The following MEGF9 variants were observed in gnomAD, a reference collection of about 807,000 sequenced individuals.
MEGF9 encodes the protein multiple epidermal growth factor-like domains protein 9.
Under a neutral mutation model 46.8 loss-of-function variants are expected in MEGF9, and 6 were observed. The ratio of observed to expected loss-of-function variants is 0.13; its 90% confidence interval spans 0.07 to 0.25. The LOEUF (loss-of-function observed/expected upper bound fraction) is 0.25, where lower values mean the gene tolerates loss of function less well. Among genes scored for constraint, MEGF9 ranks in the 10% least tolerant of loss-of-function variants. MEGF9 has a pLI of 1.00. For missense variants in MEGF9, 683 were observed against 792.4 expected (o/e 0.86, Z 1.66); for synonymous variants, 302 against 330.7 (o/e 0.91, Z 0.94).
At chr9:120,607,095 G>A (rs933951755) in intron 5 of MEGF9, among the ~76,000 whole-genome samples, 3 of 152,114 alleles carry the variant, frequency 2.0e-5, no homozygotes, top group Admixed American at 6.5e-5. Flanking sequence ...CTCGTGTTCA[G>A]CATGTTAAGA....
chr9:120,696,458 TG>T (rs1404635035), intron 1 of MEGF9, among the ~76,000 whole-genome samples: 2 of 152,016 alleles, frequency 1.3e-5, no homozygotes, highest in Admixed American at 1.3e-4. Flanking sequence ...CTTGGTAGAG[TG>T]GGGATAATAA....
intron 1 of MEGF9, among the ~76,000 whole-genome samples, chr9:120,694,773 A>T (rs541913036): frequency 2.9e-3 from 440 of 152,256 alleles, no homozygotes; most frequent in Non-Finnish European, 5.1e-3. Flanking sequence ...AAAAATTTCA[A>T]ATTGCCCTTT....
intron 4 of MEGF9, among the ~76,000 whole-genome samples, chr9:120,612,115 G>T (rs2043450199): frequency 6.6e-6 from 1 of 152,078 alleles, no homozygotes; most frequent in Non-Finnish European, 1.5e-5. Flanking sequence ...TATCTAGGAG[G>T]AACTAATTAG....
intron 2 of MEGF9, among the ~76,000 whole-genome samples, chr9:120,643,528 AGG>A (rs201363136): frequency 0.024 from 3,590 of 152,282 alleles, 149 homozygotes; most frequent in African/African-American, 0.083. Flanking sequence ...AATTACCATA[AGG>A]ACCAACTTTG....
At chr9:120,683,078 T>G (rs1288188946) in intron 1 of MEGF9, among the ~76,000 whole-genome samples, 5 of 152,096 alleles carry the variant, frequency 3.3e-5, no homozygotes, top group Non-Finnish European at 5.9e-5. Flanking sequence ...AAAGGTATAT[T>G]AGGGCCCTGA....
intron 2 of MEGF9, among the ~76,000 whole-genome samples, chr9:120,636,873 C>T (rs895758477): frequency 2.0e-5 from 3 of 151,722 alleles, no homozygotes; most frequent in African/African-American, 7.3e-5. Flanking sequence ...CCCCTCTGCC[C>T]GGCCGCCACG....
intron 1 of MEGF9, among the ~76,000 whole-genome samples, chr9:120,703,131 G>C (rs1412447307): frequency 1.3e-5 from 2 of 152,218 alleles, no homozygotes; most frequent in African/African-American, 4.8e-5. Flanking sequence ...AGTTCCACTT[G>C]TCCTAAGCAG....
chr9:120,659,560 C>G lies in MEGF9; in HGVS notation c.617G>C (p.Cys206Ser). 6.2e-7 allele frequency: 1 copy of G among 1,611,620 alleles called. No individual in the cohort carries two copies. The highest frequency in any genetic ancestry group is 8.5e-7 in the Non-Finnish European group (1 of 1,178,908). ...CACATTCAGGCTTCCAACCACAGAGCAGTTACATACATACTCTGCAAAGGA... is the reference window on the plus strand; with the variant it reads ...CACATTCAGGCTTCCAACCACAGAGGAGTTACATACATACTCTGCAAAGGA... ...SSPPPEYVCN[C>S]SVVGSLNVNR... The change falls in exon 2 of 6, where the codon TGC (cysteine) becomes TCC (serine). Residue 206 changes from cysteine to serine, a missense_variant. Cys to Ser is a moderately radical substitution (Grantham distance 112). Around this residue, in one of 2 missense-constraint regions of MEGF9, gnomAD observed 370 missense variants for 371.3 expected, o/e 1.00. Coordinates refer to ENST00000373930, the MANE Select transcript of MEGF9 (RefSeq NM_001080497.3).
intron 1 of MEGF9, among the ~76,000 whole-genome samples, chr9:120,709,501 T>C (rs559436265): frequency 6.6e-6 from 1 of 151,724 alleles, no homozygotes; most frequent in East Asian, 1.9e-4. Flanking sequence ...AAAGATCAGT[T>C]GAAGGAGCTG....
intron 2 of MEGF9, among the ~76,000 whole-genome samples, chr9:120,648,584 G>C (rs2043635412): frequency 6.6e-6 from 1 of 152,162 alleles, no homozygotes; most frequent in Non-Finnish European, 1.5e-5. Context: ...TAGCCAGTAA[G>C]TTCCTTGAGA....
In MEGF9 at chr9:120,611,832, A is replaced by AAAGGAAGGAAGGAAGG. The variant is rs200715578; in HGVS notation, c.1087+548_1087+563dup. Among the ~76,000 whole-genome samples the AAAGGAAGGAAGGAAGG allele has an allele frequency of 5.9e-3, 825 of 139,270 alleles. 14 individuals carry two copies. Among genetic ancestry groups the AAAGGAAGGAAGGAAGG allele is most frequent in the African/African-American group, 0.023 (779 of 34,416 alleles). The allele number at this position is 139,270 out of a possible 152,430, so 91.4% of individuals were successfully genotyped here. Reference sequence around the variant, plus strand: ...AGAAAGAAAAGAAAAGAAAAGAAAGAAAGGAAGGAAGGAAGGAAGGAAGGA... The same window carrying AAAGGAAGGAAGGAAGG: ...AGAAAGAAAAGAAAAGAAAAGAAAGAAAGGAAGGAAGGAAGGAAGGAAGGAAGGAAGGAAGGAAGGA... On this transcript the variant is annotated intron_variant, in intron 4 of 5. Coordinates refer to ENST00000373930, the MANE Select transcript of MEGF9 (RefSeq NM_001080497.3).
intron 2 of MEGF9, among the ~76,000 whole-genome samples, chr9:120,623,538 T>A (rs1221988558): frequency 6.6e-6 from 1 of 152,194 alleles, no homozygotes; most frequent in African/African-American, 2.4e-5. Context: ...TTTGTACTGA[T>A]CATAGTATAG....
chr9:120,662,177 A>G (rs1355631049), intron 1 of MEGF9, among the ~76,000 whole-genome samples: 1 of 152,218 alleles, frequency 6.6e-6, no homozygotes, highest in African/African-American at 2.4e-5. Flanking sequence ...TTTCCAGTGA[A>G]GTTCTAATGG....
chr9:120,626,571 A>G (rs774276531), intron 2 of MEGF9, among the ~76,000 whole-genome samples: 1 of 152,178 alleles, frequency 6.6e-6, no homozygotes, highest in East Asian at 1.9e-4. Flanking sequence ...TCTATGTCAC[A>G]TGAATACAAG....
intron 3 of MEGF9, among the ~76,000 whole-genome samples, chr9:120,618,774 C>T (rs949170405): frequency 2.6e-5 from 4 of 151,784 alleles, no homozygotes; most frequent in African/African-American, 4.8e-5. Flanking sequence ...ATGGTGGGCG[C>T]CTGTAATCCC....
intron 1 of MEGF9, among the ~76,000 whole-genome samples, chr9:120,711,587 AT>A: frequency 6.6e-6 from 1 of 152,180 alleles, no homozygotes; most frequent in East Asian, 1.9e-4. Context: ...GGTTGTTTAT[AT>A]TTTTTTGCCA....
At chr9:120,641,469 C>T (rs547564457) in intron 2 of MEGF9, among the ~76,000 whole-genome samples, 1 of 152,176 alleles carries the variant, frequency 6.6e-6, no homozygotes, top group African/African-American at 2.4e-5. Flanking sequence ...GGTTGAAATG[C>T]CTCAAAAAAA....
At chr9:120,663,277 A>C (rs1404501466) in intron 1 of MEGF9, among the ~76,000 whole-genome samples, 2 of 152,220 alleles carry the variant, frequency 1.3e-5, no homozygotes, top group African/African-American at 4.8e-5. Context: ...GACTGACCTT[A>C]AATGAAATGA....
Position 120,605,248 on chromosome 9 carries a change from T to G in MEGF9, c.1751A>C (p.Glu584Ala). The G allele has an allele frequency of 6.2e-7, 1 of 1,614,046 alleles. No individual in the cohort carries two copies. Among genetic ancestry groups the G allele is most frequent in the Non-Finnish European group, 8.5e-7 (1 of 1,179,896 alleles). The change falls in exon 6 of 6, where the codon GAA becomes GCA. Residue 584 changes from glutamate (E) to alanine (A), a missense_variant. This residue lies in a region of MEGF9 where 313 missense variants were observed against 421.1 expected (regional missense o/e 0.74). Transcript: ENST00000373930. The surrounding 1 kb of genome is among the most constrained non-coding windows in gnomAD (Gnocchi z 4.0). ...GGTCAGCTGCCCATTGGGAGCCACT[T>G]CATTGCCATCATCTTCCAACAATCC... Reference protein sequence around the residue: ...VSGLLEDDGNEVAPNGQLTLT... With the variant: ...VSGLLEDDGNAVAPNGQLTLT...
Sources: gnomAD v4.1 joint callset for allele counts (sites outside exome capture counted in the v4.1 genomes callset) on GRCh38, gnomAD v4.1.1 for gene constraint, gnomAD v4.1.1 regional missense constraint, Gnocchi (gnomAD v3.1) non-coding constraint, MANE v1.5 for transcripts, NCBI Gene and HGNC (gene_info 2026-07-23, HGNC 2026-07-21) for gene names.